The following ARK2C variants were observed in gnomAD, a reference collection of about 807,000 sequenced individuals.
The protein encoded by ARK2C is arkadia (RNF111) C-terminal like ring finger ubiquitin ligase 2C, also known as E3 ubiquitin-protein ligase ARK2C.
chr18:46,437,157 T>A, the ARK2C span, among the ~76,000 whole-genome samples: 1 of 152,138 alleles, frequency 6.6e-6, no homozygotes, highest in East Asian at 1.9e-4. Flanking sequence ...TAGCAGGGGA[T>A]GCTAGGAGGC....
chr18:46,425,381 TG>T, the ARK2C span, among the ~76,000 whole-genome samples: 90 of 152,346 alleles, frequency 5.9e-4, no homozygotes, highest in Non-Finnish European at 1.2e-3. Context: ...CCATCATCCC[TG>T]GGGTAGCCCC....
the ARK2C span, among the ~76,000 whole-genome samples, chr18:46,445,716 C>G: frequency 3.3e-5 from 5 of 152,168 alleles, no homozygotes; most frequent in Non-Finnish European, 7.4e-5. Context: ...AGGGAGGTTG[C>G]AGAGCTCACC....
At chr18:46,369,303 C>G in the ARK2C span, among the ~76,000 whole-genome samples, 1 of 151,846 alleles carries the variant, frequency 6.6e-6, no homozygotes, top group African/African-American at 2.4e-5. Flanking sequence ...GCAGGGTGGC[C>G]TGAGCTGGGA....
the ARK2C span, among the ~76,000 whole-genome samples, chr18:46,341,478 G>A: frequency 5.9e-5 from 9 of 152,224 alleles, no homozygotes; most frequent in East Asian, 1.9e-4. Flanking sequence ...GAAGACAAAC[G>A]GGGAACATGG....
At chr18:46,363,050 T>C in the ARK2C span, among the ~76,000 whole-genome samples, 1 of 152,194 alleles carries the variant, frequency 6.6e-6, no homozygotes, top group Non-Finnish European at 1.5e-5. Flanking sequence ...AAGCTCTCAA[T>C]GGCATGAGTT....
chr18:46,334,670 CCGTGTGTGTGTG>C, the ARK2C span: 2 of 292,962 alleles, frequency 6.8e-6, no homozygotes, highest in African/African-American at 6.5e-5. This position sits in a 1 kb window ranked among gnomAD's most constrained non-coding sequence, Gnocchi z 4.4. Context: ...AGATACATGA[CCGTGTGTGTGTG>C]TGTGTGTGTG....
At chr18:46,337,500 T>A in the ARK2C span, 1 of 985,382 alleles carries the variant, frequency 1.0e-6, no homozygotes, top group African/African-American at 1.7e-5. Flanking sequence ...GGCCATCTGC[T>A]CATTGTACGC....
the ARK2C span, chr18:46,337,061 G>C: frequency 1.0e-6 from 1 of 985,316 alleles, no homozygotes; most frequent in Non-Finnish European, 1.2e-6. Flanking sequence ...CCCTTTAACA[G>C]CCGGCTCCCT....
At chr18:46,339,282 A>G in the ARK2C span, among the ~76,000 whole-genome samples, 1 of 152,236 alleles carries the variant, frequency 6.6e-6, no homozygotes, top group Non-Finnish European at 1.5e-5. Flanking sequence ...ACAGTGGCTC[A>G]TTAGATCAAT....
chr18:46,399,726 A>G, the ARK2C span, among the ~76,000 whole-genome samples: 1 of 152,192 alleles, frequency 6.6e-6, no homozygotes, highest in Admixed American at 6.5e-5. Flanking sequence ...ACTGAGAGGC[A>G]GAGGAGGACA....
the ARK2C span, among the ~76,000 whole-genome samples, chr18:46,399,673 G>A: frequency 6.6e-6 from 1 of 152,178 alleles, no homozygotes; most frequent in East Asian, 1.9e-4. Context: ...TCTAGGAGCA[G>A]TAGACTATAG....
the ARK2C span, chr18:46,433,111 G>T: frequency 8.9e-7 from 1 of 1,128,324 alleles, no homozygotes; most frequent in Non-Finnish European, 1.2e-6. Flanking sequence ...GCCCCAGGCT[G>T]CCCCGGGTGG....
the ARK2C span, among the ~76,000 whole-genome samples, chr18:46,400,607 T>G: frequency 6.6e-6 from 1 of 152,100 alleles, no homozygotes; most frequent in Non-Finnish European, 1.5e-5. Context: ...TTCTAGGCAG[T>G]CAGAACTCCC....
the ARK2C span, among the ~76,000 whole-genome samples, chr18:46,397,419 GGT>G: frequency 7.0e-6 from 1 of 143,640 alleles, no homozygotes. Context: ...GTGTGCATGT[GGT>G]GTGTGTGTGT....
the ARK2C span, among the ~76,000 whole-genome samples, chr18:46,416,538 C>T: frequency 7.9e-5 from 12 of 152,338 alleles, no homozygotes; most frequent in African/African-American, 2.4e-4. Context: ...CCTCAATAAA[C>T]GACAACGCCA....
chr18:46,334,703 TGTGTGTGTGTGTGAGAGAGA>T, the ARK2C span: 4 of 312,026 alleles, frequency 1.3e-5, no homozygotes, highest in African/African-American at 5.4e-5. This position sits in a 1 kb window ranked among gnomAD's most constrained non-coding sequence, Gnocchi z 4.4. Flanking sequence ...TGTGTGTGTG[TGTGTGTGTGTGTGAGAGAGA>T]GAGAGAGCGC....
At chr18:46,392,649 T>TG in the ARK2C span, among the ~76,000 whole-genome samples, 5 of 152,112 alleles carry the variant, frequency 3.3e-5, no homozygotes, top group African/African-American at 4.8e-5. Context: ...AGGCCAAGGC[T>TG]GGGGGACACT....
At chr18:46,455,077 A>T in the ARK2C span, among the ~76,000 whole-genome samples, 6 of 152,250 alleles carry the variant, frequency 3.9e-5, no homozygotes, top group Non-Finnish European at 8.8e-5. Flanking sequence ...GTACAAGGGA[A>T]GTCAACAAGT....
the ARK2C span, among the ~76,000 whole-genome samples, chr18:46,441,246 C>T: frequency 6.6e-6 from 1 of 152,180 alleles, no homozygotes; most frequent in African/African-American, 2.4e-5. Context: ...TCCCACCTCA[C>T]CTCCCAAAGT....
Sources: gnomAD v4.1 joint callset for allele counts (sites outside exome capture counted in the v4.1 genomes callset) on GRCh38, gnomAD v4.1.1 for gene constraint, Gnocchi (gnomAD v3.1) non-coding constraint, MANE v1.5 for transcripts, NCBI Gene and HGNC (gene_info 2026-07-23, HGNC 2026-07-21) for gene names.